Variants in CLVS1 observed in about 807,000 individuals in gnomAD.
CLVS1 encodes the protein clavesin 1.
In CLVS1, 10 loss-of-function variants were observed where a neutral mutation model predicts 33.1. The ratio of observed to expected loss-of-function variants is 0.30; its 90% CI spans 0.19 to 0.51. The LOEUF (loss-of-function observed/expected upper bound fraction) is 0.51. Ranked by LOEUF, CLVS1 falls within the 20% of genes least tolerant of loss-of-function variation. The pLI, the probability that CLVS1 is intolerant of heterozygous loss-of-function variation, is 0.97. For synonymous variants in CLVS1, 163 were observed against 166.1 expected, an observed-to-expected ratio of 0.98 and a Z score of 0.14; for missense variants, 343 against 433.4, an observed-to-expected ratio of 0.79 and a Z score of 1.85.
At chr8:61,308,353 A>G (rs1240091859) in intron 2 of CLVS1, among the ~76,000 whole-genome samples, 2 of 152,190 alleles carry the variant, frequency 1.3e-5, no homozygotes, top group African/African-American at 2.4e-5. Flanking sequence ...TCCCAAAGGC[A>G]TCTGAAGCCA....
intron 4 of CLVS1, among the ~76,000 whole-genome samples, chr8:61,456,833 G>A (rs1317343025): frequency 6.6e-6 from 1 of 151,292 alleles, no homozygotes; most frequent in African/African-American, 2.4e-5. Flanking sequence ...CAGGAGAACG[G>A]CATGAACCTG....
intron 2 of CLVS1, among the ~76,000 whole-genome samples, chr8:61,198,622 C>T (rs1433876246): frequency 6.6e-6 from 1 of 152,166 alleles, no homozygotes; most frequent in East Asian, 1.9e-4. Flanking sequence ...TCAAGTGATC[C>T]ACCCGCCTCG....
At chr8:61,001,781 C>T in the CLVS1 span, among the ~76,000 whole-genome samples, 2 of 152,374 alleles carry the variant, frequency 1.3e-5, no homozygotes, top group African/African-American at 2.4e-5. Flanking sequence ...TTCCCCAACC[C>T]GCAGTGCTTT....
At chr8:61,413,561 G>A (rs116595250) in intron 3 of CLVS1, among the ~76,000 whole-genome samples, 3,229 of 152,230 alleles carry the variant, frequency 0.021, 104 homozygotes, top group African/African-American at 0.073. Context: ...GTGGCAGGCC[G>A]GGCAGAAAAA....
rs188740282 is a variant in CLVS1, at chr8:61,416,886, C to T, written c.631-37255C>T. Among the ~76,000 whole-genome samples the T allele has an allele frequency of 2.6e-4, 40 of 152,206 alleles. No individual in the cohort carries two copies. In the East Asian group the frequency reaches 2.7e-3, roughly 10 times the overall value. Reference sequence around the variant, plus strand: ...TTTAGTCTTGTGAGATGAAAAGTTCCGTCAGCCAGAATTCTAGAGAGTTTG... The same window carrying T: ...TTTAGTCTTGTGAGATGAAAAGTTCTGTCAGCCAGAATTCTAGAGAGTTTG... On this transcript the variant is annotated intron_variant, in intron 3 of 5. Transcript: ENST00000325897.
At chr8:61,402,993 A>C (rs1814830167) in intron 3 of CLVS1, among the ~76,000 whole-genome samples, 1 of 152,188 alleles carries the variant, frequency 6.6e-6, no homozygotes. Context: ...AAAACATGAT[A>C]AGTACTATTA....
intron 2 of CLVS1, among the ~76,000 whole-genome samples, chr8:61,184,551 C>A (rs1250046954): frequency 1.3e-5 from 2 of 152,186 alleles, no homozygotes; most frequent in Non-Finnish European, 2.9e-5. Context: ...GTGGCAGGAG[C>A]CTCAGCCCTC....
intron 2 of CLVS1, among the ~76,000 whole-genome samples, chr8:61,210,722 T>C (rs1408998168): frequency 5.3e-5 from 8 of 152,206 alleles, no homozygotes; most frequent in Admixed American, 5.2e-4. Context: ...CTGCCTGGAC[T>C]CCTGAACTAT....
At chr8:61,456,612 A>G (rs183909015) in intron 4 of CLVS1, among the ~76,000 whole-genome samples, 51 of 152,254 alleles carry the variant, frequency 3.3e-4, no homozygotes, top group Admixed American at 1.2e-3. Flanking sequence ...TCCTCTATGT[A>G]AGTATTTTAA....
chr8:61,376,653 C>G lies in CLVS1; in HGVS notation c.504C>G (p.Val168=). Residue 168 remains valine, a synonymous_variant, in exon 3 of 6, where the codon GTC becomes GTG. Transcript: ENST00000325897. ...ILRAILLSLE[V]LIEDPELQIN... is the part of the protein sequence containing the mutation. ...GTGCCATCCTGCTGTCATTGGAAGT[C>G]CTAATCGAAGATCCGGAGCTTCAGA... 1 of 1,614,068 alleles carries G rather than the reference C, an allele frequency of 6.2e-7. No individual in the cohort carries two copies. The highest frequency in any genetic ancestry group is 8.5e-7 in the Non-Finnish European group (1 of 1,179,948).
chr8:61,047,512 A>G, the CLVS1 span, among the ~76,000 whole-genome samples: 5 of 152,198 alleles, frequency 3.3e-5, no homozygotes, highest in Admixed American at 2.6e-4. Flanking sequence ...TTGCGGCACT[A>G]TTCACAATAG....
At chr8:61,030,337 A>C in the CLVS1 span, among the ~76,000 whole-genome samples, 1 of 152,198 alleles carries the variant, frequency 6.6e-6, no homozygotes, top group Non-Finnish European at 1.5e-5. Context: ...GAATCAGCTG[A>C]ATCTATCCTA....
the CLVS1 span, among the ~76,000 whole-genome samples, chr8:60,982,843 C>T: frequency 2.2e-4 from 34 of 152,208 alleles, no homozygotes; most frequent in African/African-American, 6.5e-4. Context: ...GAGGCTGAGA[C>T]GGGAGGATGG....
intron 2 of CLVS1, among the ~76,000 whole-genome samples, chr8:61,333,516 A>G (rs1159753367): frequency 6.6e-6 from 1 of 152,234 alleles, no homozygotes; most frequent in Non-Finnish European, 1.5e-5. Flanking sequence ...AGCAGTTTCA[A>G]ATTTGTACCA....
intron 2 of CLVS1, chr8:61,203,266 TATTTC>T: frequency 1.1e-6 from 1 of 903,006 alleles, no homozygotes; most frequent in Admixed American, 1.7e-5. Flanking sequence ...TTTTCCGTCT[TATTTC>T]ATTTCTGTAA....
chr8:61,032,499 C>A, the CLVS1 span, among the ~76,000 whole-genome samples: 4 of 152,140 alleles, frequency 2.6e-5, no homozygotes, highest in East Asian at 5.8e-4. Flanking sequence ...AGCAGCCCAG[C>A]CCTAAAATGG....
At chr8:61,119,320 T>C (rs1159351445) in intron 1 of CLVS1, among the ~76,000 whole-genome samples, 1 of 151,950 alleles carries the variant, frequency 6.6e-6, no homozygotes, top group Non-Finnish European at 1.5e-5. Flanking sequence ...TCTTGACTCT[T>C]TATCCCATTT....
rs3063291 is a variant in CLVS1, at chr8:61,416,282, ATAGCTAGC to A, written c.631-37843_631-37836del. ...TCCTAGAAAGCATTAGTTGAACAAG[ATAGCTAGC>A]TAGCTAGCTAGCTAGATACATACAT... On this transcript the variant is annotated intron_variant, in intron 3 of 5. Transcript: ENST00000325897. Among the ~76,000 whole-genome samples the A allele has an allele frequency of 7.9e-3, 1,155 of 145,486 alleles. 14 individuals carry two copies. Among genetic ancestry groups the A allele is most frequent in the African/African-American group, 0.021 (830 of 39,104 alleles).
intron 2 of CLVS1, among the ~76,000 whole-genome samples, chr8:61,218,796 A>AAAT (rs34022821): frequency 0.23 from 32,238 of 142,210 alleles, 4,449 homozygotes; most frequent in East Asian, 0.53. Flanking sequence ...AAAAAAAAAA[A>AAAT]AGCTGGGAGT....
Sources: gnomAD v4.1 joint callset for allele counts (sites outside exome capture counted in the v4.1 genomes callset) on GRCh38, gnomAD v4.1.1 for gene constraint, MANE v1.5 for transcripts, NCBI Gene and HGNC (gene_info 2026-07-23, HGNC 2026-07-21) for gene names.